GRID2: variants seen among roughly 807,000 people sequenced by gnomAD.
GRID2 encodes the protein glutamate receptor ionotropic, delta-2.
In GRID2, 33 loss-of-function variants were observed where a neutral mutation model predicts 114.8. The observed-to-expected ratio is 0.29, with a 90% CI of 0.22 to 0.38. The LOEUF (loss-of-function observed/expected upper bound fraction) is 0.38, where lower values mean the gene tolerates loss of function less well. GRID2 is among the 10% of genes least tolerant of loss of function. GRID2 has a pLI of 1.00. For missense variants in GRID2, 1,184 were observed against 1,257.7 expected (o/e 0.94, Z 0.89); for synonymous variants, 505 against 449.9 (o/e 1.12, Z -1.55).
At chr4:92,999,005 T>C (rs1344208544) in intron 2 of GRID2, among the ~76,000 whole-genome samples, 1 of 151,876 alleles carries the variant, frequency 6.6e-6, no homozygotes, top group East Asian at 1.9e-4. Context: ...TAAAATGTTC[T>C]TTGTGACAAT....
At chr4:92,709,589 A>T (rs57857415) in intron 2 of GRID2, among the ~76,000 whole-genome samples, 4,380 of 114,528 alleles carry the variant, frequency 0.038, 194 homozygotes, top group African/African-American at 0.1. Context: ...AAAAAAAAAA[A>T]ATATATATAT....
intron 2 of GRID2, among the ~76,000 whole-genome samples, chr4:92,979,426 C>T (rs571266041): frequency 2.6e-5 from 4 of 151,992 alleles, no homozygotes; most frequent in African/African-American, 7.2e-5. Flanking sequence ...GATTTAGGTA[C>T]GACTCAGTGT....
intron 8 of GRID2, among the ~76,000 whole-genome samples, chr4:93,336,802 C>T (rs1021946607): frequency 1.3e-5 from 2 of 152,176 alleles, no homozygotes; most frequent in Non-Finnish European, 2.9e-5. Context: ...ATTTATATTA[C>T]ATTAACCCTT....
intron 13 of GRID2, among the ~76,000 whole-genome samples, chr4:93,526,509 T>G (rs947998966): frequency 6.6e-6 from 1 of 152,206 alleles, no homozygotes; most frequent in Non-Finnish European, 1.5e-5. Flanking sequence ...TCTTTATGAC[T>G]TCCTTCTTTA....
At chr4:92,577,315 G>C (rs567567095) in intron 1 of GRID2, among the ~76,000 whole-genome samples, 3 of 152,278 alleles carry the variant, frequency 2.0e-5, no homozygotes, top group Admixed American at 2.0e-4. Flanking sequence ...GTCACTGGCT[G>C]TGGGTTTAGT....
chr4:92,379,086 T>G (rs1729492445), intron 1 of GRID2, among the ~76,000 whole-genome samples: 1 of 151,942 alleles, frequency 6.6e-6, no homozygotes. Flanking sequence ...TAAACAAATA[T>G]TTGGTACCAG....
intron 2 of GRID2, among the ~76,000 whole-genome samples, chr4:93,042,269 CTCTCTT>C (rs1435159180): frequency 3.1e-4 from 25 of 81,480 alleles, no homozygotes; most frequent in African/African-American, 5.2e-4. Context: ...CTCTCTCTCT[CTCTCTT>C]TCTCTCTCTC....
At chr4:93,376,442 A>G (rs947061543) in intron 8 of GRID2, among the ~76,000 whole-genome samples, 1 of 151,968 alleles carries the variant, frequency 6.6e-6, no homozygotes, top group Non-Finnish European at 1.5e-5. Flanking sequence ...GGGAAACTAC[A>G]GAAAAAAAAA....
intron 13 of GRID2, among the ~76,000 whole-genome samples, chr4:93,600,271 A>C (rs2149638175): frequency 6.6e-6 from 1 of 152,318 alleles, no homozygotes; most frequent in African/African-American, 2.4e-5. Flanking sequence ...CTATTAAGAA[A>C]ATTAAAAAGG....
chr4:93,480,806 A>AT (rs562308383), intron 11 of GRID2, among the ~76,000 whole-genome samples: 106 of 152,090 alleles, frequency 7.0e-4, no homozygotes, highest in Middle Eastern at 6.8e-3. Context: ...CCTTCCATGC[A>AT]TTTTTTAATG....
intron 2 of GRID2, among the ~76,000 whole-genome samples, chr4:92,974,320 A>G (rs1457780177): frequency 1.3e-5 from 2 of 152,188 alleles, no homozygotes; most frequent in South Asian, 2.1e-4. Flanking sequence ...CATTTGACCC[A>G]GCAATCCCAT....
chr4:92,829,805 C>T (rs1382084209), intron 2 of GRID2, among the ~76,000 whole-genome samples: 1 of 151,990 alleles, frequency 6.6e-6, no homozygotes, highest in African/African-American at 2.4e-5. Context: ...AGCTGGAAAC[C>T]ATCATTCTCA....
intron 2 of GRID2, among the ~76,000 whole-genome samples, chr4:92,959,953 A>G (rs1346406023): frequency 1.3e-5 from 2 of 151,992 alleles, no homozygotes; most frequent in East Asian, 1.9e-4. Flanking sequence ...ATGTGTACCT[A>G]TGTAACAAAC....
intron 9 of GRID2, among the ~76,000 whole-genome samples, chr4:93,409,457 T>C (rs185681621): frequency 1.9e-4 from 29 of 152,308 alleles, no homozygotes; most frequent in African/African-American, 6.5e-4. Flanking sequence ...CTTTAATCTT[T>C]ATGCTAAAAC....
intron 2 of GRID2, among the ~76,000 whole-genome samples, chr4:92,922,486 A>G (rs1350569292): frequency 6.6e-6 from 1 of 151,032 alleles, no homozygotes; most frequent in Non-Finnish European, 1.5e-5. Context: ...CCATCTCTCC[A>G]CCCCCCCAGA....
At chr4:92,603,732 T>C (rs768672075) in intron 2 of GRID2, among the ~76,000 whole-genome samples, 4 of 151,774 alleles carry the variant, frequency 2.6e-5, no homozygotes, top group Admixed American at 6.6e-5. Flanking sequence ...CAAAATAAAC[T>C]ACCATCAGAA....
intron 2 of GRID2, among the ~76,000 whole-genome samples, chr4:93,059,449 T>C (rs969566447): frequency 5.3e-5 from 8 of 152,110 alleles, no homozygotes; most frequent in African/African-American, 9.7e-5. Flanking sequence ...TGCTCACTAG[T>C]GGCCAGTAAC....
chr4:93,470,132 T>C (rs1560653107), intron 11 of GRID2, among the ~76,000 whole-genome samples: 1 of 152,070 alleles, frequency 6.6e-6, no homozygotes, highest in Non-Finnish European at 1.5e-5. Context: ...GATAAGCATA[T>C]AAAAGCCTAC....
At chr4:92,577,418 G>A (rs11935893) in intron 1 of GRID2, among the ~76,000 whole-genome samples, 3 of 152,064 alleles carry the variant, frequency 2.0e-5, no homozygotes, top group East Asian at 1.9e-4. Flanking sequence ...TGGTAGGACC[G>A]AGGACAGAGA....
Sources: allele counts gnomAD v4.1 joint callset (sites outside exome capture counted in the v4.1 genomes callset), GRCh38; gene constraint gnomAD v4.1.1; transcripts MANE v1.5; gene names NCBI Gene and HGNC (gene_info 2026-07-23, HGNC 2026-07-21).